FSTL5: variants seen among roughly 807,000 people sequenced by gnomAD.
FSTL5 encodes the protein follistatin-related protein 5.
In FSTL5, 62 loss-of-function variants were observed where a neutral mutation model predicts 89.1. That is an observed-to-expected ratio of 0.70 (90% CI 0.57 to 0.86). The LOEUF is 0.86. Ranked by LOEUF, FSTL5 falls within the 40% of genes least tolerant of loss-of-function variation. The pLI is 0.00. For synonymous variants in FSTL5, 383 were observed against 346.2 expected (o/e 1.11, Z -1.18); for missense variants, 1,057 against 1,001.6 (o/e 1.06, Z -0.75).
chr4:161,990,729 G>A lies in FSTL5; in HGVS notation c.160+42896C>T, dbSNP rs17041858. Reference sequence around the variant, plus strand: ...TAAGGTATAATCTTGGTGGTTTTCGGGTAGACATTTTCAGCTTAATTCTCT... The same window carrying A: ...TAAGGTATAATCTTGGTGGTTTTCGAGTAGACATTTTCAGCTTAATTCTCT... On this transcript the variant is annotated intron_variant, in intron 3 of 15. Coordinates refer to ENST00000306100, the MANE Select transcript of FSTL5 (RefSeq NM_020116.5). Among the ~76,000 whole-genome samples, 1,440 of 151,822 alleles carry A rather than the reference G, an allele frequency of 9.5e-3. 19 individuals are homozygous for A. The highest frequency in any genetic ancestry group is 0.032 in the African/African-American group (1,344 of 41,418).
intron 6 of FSTL5, among the ~76,000 whole-genome samples, chr4:161,678,987 T>G (rs139853916): frequency 1.3e-5 from 2 of 151,772 alleles, no homozygotes; most frequent in Non-Finnish European, 3.0e-5. Flanking sequence ...TTAAACACTA[T>G]GTATGTGCTA....
chr4:161,489,599 T>C (rs1208818008), intron 12 of FSTL5, among the ~76,000 whole-genome samples: 2 of 152,146 alleles, frequency 1.3e-5, no homozygotes, highest in Admixed American at 6.6e-5. Context: ...TTGAATTGTA[T>C]AGGAGCAGTG....
intron 7 of FSTL5, among the ~76,000 whole-genome samples, chr4:161,602,253 AAGAGAGAGAG>A (rs58991875): frequency 0.14 from 16,716 of 122,714 alleles, 1,152 homozygotes; most frequent in South Asian, 0.28. Context: ...GAGGGAGAGA[AAGAGAGAGAG>A]AGAGAGAGAG....
intron 12 of FSTL5, among the ~76,000 whole-genome samples, chr4:161,497,381 A>G (rs1045390942): frequency 6.6e-6 from 1 of 152,092 alleles, no homozygotes; most frequent in East Asian, 1.9e-4. Context: ...ATAAGCGGAA[A>G]TTAGTTATAA....
intron 8 of FSTL5, 130 bp downstream of exon 8, chr4:161,587,318 ACTTTTAC>A: frequency 6.1e-6 from 4 of 653,270 alleles, no homozygotes; most frequent in Non-Finnish European, 1.0e-5. Context: ...TACTTAAAAA[ACTTTTAC>A]ATTATCAGTT....
rs1334176905 is a variant in FSTL5 at position 161,961,525 on chromosome 4, ATAT to A, written c.161-40876_161-40874del. Among the ~76,000 whole-genome samples, 7 of 21,044 alleles carry A rather than the reference ATAT, an allele frequency of 3.3e-4. No homozygotes were observed. In the Non-Finnish European group the frequency reaches 5.8e-3, roughly 18 times the overall value. 13.8% of individuals were successfully genotyped at this position (21,044 alleles called of 152,430 possible). On this transcript the variant is annotated intron_variant, in intron 3 of 15. Coordinates refer to ENST00000306100, the MANE Select transcript of FSTL5 (RefSeq NM_020116.5). ...ATATACATCACATTACTCTAGAAAA[ATAT>A]ATATATATATATACATATACATATA...
intron 12 of FSTL5, among the ~76,000 whole-genome samples, chr4:161,497,604 C>G (rs1165795745): frequency 6.8e-6 from 1 of 148,064 alleles, no homozygotes; most frequent in African/African-American, 2.5e-5. Context: ...GTACAGAAAC[C>G]TTTATAAACT....
intron 9 of FSTL5, 117 bp downstream of exon 9, chr4:161,542,415 G>C (rs1486431590): frequency 3.8e-6 from 2 of 529,110 alleles, no homozygotes; most frequent in African/African-American, 4.0e-5. Context: ...TTTCATATTT[G>C]TGACATTCTG....
chr4:161,755,138 T>G (rs62330826), intron 6 of FSTL5, among the ~76,000 whole-genome samples: 11,853 of 152,044 alleles, frequency 0.078, 609 homozygotes, highest in Non-Finnish European at 0.11. Flanking sequence ...CCAAGTCTGT[T>G]AATCAGACAA....
intron 12 of FSTL5, among the ~76,000 whole-genome samples, chr4:161,496,156 G>A (rs1174813334): frequency 6.6e-6 from 1 of 152,114 alleles, no homozygotes; most frequent in African/African-American, 2.4e-5. Flanking sequence ...GAATAGCTAA[G>A]GCTCAAAGCA....
At chr4:162,101,280 G>C (rs889706149) in intron 2 of FSTL5, among the ~76,000 whole-genome samples, 3 of 152,172 alleles carry the variant, frequency 2.0e-5, no homozygotes, top group Non-Finnish European at 4.4e-5. Flanking sequence ...GGAGATGTTT[G>C]CTTCAACAGC....
At chr4:161,683,784 G>C (rs990379100) in intron 6 of FSTL5, among the ~76,000 whole-genome samples, 2 of 152,064 alleles carry the variant, frequency 1.3e-5, no homozygotes, top group Non-Finnish European at 2.9e-5. Context: ...GGGAATGGGT[G>C]GTGTTTGGTT....
chr4:161,575,865 A>C (rs1423712319), intron 8 of FSTL5, among the ~76,000 whole-genome samples: 3 of 152,168 alleles, frequency 2.0e-5, no homozygotes, highest in Middle Eastern at 3.2e-3. Context: ...AATAGGAAGA[A>C]AGGAAGTAAA....
intron 4 of FSTL5, among the ~76,000 whole-genome samples, chr4:161,903,327 A>T (rs1733425283): frequency 6.6e-6 from 1 of 152,114 alleles, no homozygotes; most frequent in Admixed American, 6.6e-5. Flanking sequence ...AATACTTTAA[A>T]AATCTTCTTT....
chr4:161,593,749 T>C (rs565203700), intron 7 of FSTL5, among the ~76,000 whole-genome samples: 3 of 152,244 alleles, frequency 2.0e-5, no homozygotes, highest in Admixed American at 2.0e-4. Context: ...GAAATTGTCA[T>C]GGTGCCACTC....
chr4:161,464,981 A>C (rs894191394), intron 13 of FSTL5, among the ~76,000 whole-genome samples: 4 of 152,156 alleles, frequency 2.6e-5, no homozygotes, highest in Non-Finnish European at 5.9e-5. Context: ...TTTTTGTTGA[A>C]GTATGCACTA....
At chr4:161,836,260 C>T (rs1430083213) in intron 4 of FSTL5, among the ~76,000 whole-genome samples, 1 of 132,704 alleles carries the variant, frequency 7.5e-6, no homozygotes, top group Non-Finnish European at 1.5e-5. Flanking sequence ...ACAATGAGAA[C>T]AGATGGACAC....
At chr4:161,814,876 A>G (rs10014325) in intron 4 of FSTL5, among the ~76,000 whole-genome samples, 3,161 of 152,150 alleles carry the variant, frequency 0.021, 101 homozygotes, top group African/African-American at 0.072. Context: ...TCAGTGCAAA[A>G]AGAAGATATA....
intron 3 of FSTL5, among the ~76,000 whole-genome samples, chr4:161,929,366 T>C (rs1734217246): frequency 6.6e-6 from 1 of 151,602 alleles, no homozygotes; most frequent in South Asian, 2.1e-4. Context: ...TCTTGACTAC[T>C]GCAGCTTTAA....
Sources: gnomAD v4.1 joint callset for allele counts (sites outside exome capture counted in the v4.1 genomes callset) on GRCh38, gnomAD v4.1.1 for gene constraint, MANE v1.5 for transcripts, NCBI Gene and HGNC (gene_info 2026-07-23, HGNC 2026-07-21) for gene names.